Variants in POU3F3 observed in about 807,000 individuals in gnomAD.
POU3F3 encodes POU class 3 homeobox 3.
POU3F3 carries 1 observed loss-of-function variant against 8.6 expected under a neutral mutation model. The observed-to-expected ratio is 0.12, with a 90% CI of 0.04 to 0.55. The LOEUF is 0.55. POU3F3 is among the 20% of genes least tolerant of loss of function. The pLI, the probability that POU3F3 is intolerant of heterozygous loss-of-function variation, is 0.91. For missense variants in POU3F3, 577 were observed against 690.7 expected (o/e 0.84, Z 1.84); for synonymous variants, 418 against 327.4 (o/e 1.28, Z -2.99).
Position 104,855,843 on chromosome 2 carries a change from C to A in POU3F3, c.333C>A (p.Ala111=). Residue 111 remains alanine, a synonymous_variant, in exon 1 of 1, where the codon GCC becomes GCA. Transcript: ENST00000361360. ...ACGCCGCCGCCGCCGCCGCCGCTGC[C>A]GCCGCCGCCGCCGTGGAGGCGAGCT... is the stretch of plus-strand genomic sequence containing the variant. The part of the protein sequence containing the change: ...LPHAAAAAAA[A]AAAAVEASSP... The A allele has an allele frequency of 1.9e-6, 2 of 1,074,768 alleles. No individual in the cohort carries two copies. The highest frequency in any genetic ancestry group is 2.2e-6 in the Non-Finnish European group (2 of 890,582). 66.6% of individuals were successfully genotyped at this position (1,074,768 alleles called of 1,614,324 possible).
the POU3F3 span, among the ~76,000 whole-genome samples, chr2:104,909,488 T>C: frequency 1.3e-5 from 2 of 152,230 alleles, no homozygotes; most frequent in Non-Finnish European, 2.9e-5. Context: ...TGTGATCCAT[T>C]AGTCTCACCT....
chr2:104,863,398 T>C (rs1276206785), downstream of POU3F3, among the ~76,000 whole-genome samples: 3 of 152,132 alleles, frequency 2.0e-5, no homozygotes, highest in East Asian at 5.8e-4. Flanking sequence ...GTTCTGGCGA[T>C]AACTTTCTGC....
the POU3F3 span, among the ~76,000 whole-genome samples, chr2:104,873,707 C>A: frequency 6.6e-6 from 1 of 152,328 alleles, no homozygotes; most frequent in Admixed American, 6.5e-5. Flanking sequence ...ATCCTCTCTC[C>A]CACTCTCTGC....
the POU3F3 span, among the ~76,000 whole-genome samples, chr2:104,913,706 C>A: frequency 6.6e-6 from 1 of 152,184 alleles, no homozygotes; most frequent in Admixed American, 6.5e-5. Context: ...AAAACCTTTT[C>A]ACTGAAGTAT....
At chr2:104,867,897 T>G in the POU3F3 span, 1 of 211,890 alleles carries the variant, frequency 4.7e-6, no homozygotes. The surrounding 1 kb of genome is among the most constrained non-coding windows in gnomAD (Gnocchi z 5.0). Context: ...CAGCCAAGGC[T>G]GCGCACTCCG....
downstream of POU3F3, among the ~76,000 whole-genome samples, chr2:104,862,203 G>C (rs1307478834): frequency 6.6e-6 from 1 of 152,176 alleles, no homozygotes; most frequent in Non-Finnish European, 1.5e-5. Flanking sequence ...GCGGCCGCCT[G>C]GCCTTCTGGC....
At chr2:104,888,441 A>G in the POU3F3 span, among the ~76,000 whole-genome samples, 1 of 152,166 alleles carries the variant, frequency 6.6e-6, no homozygotes, top group African/African-American at 2.4e-5. Flanking sequence ...TCATTCTGCC[A>G]TGCTTTGGAA....
chr2:104,863,969 GC>G, the POU3F3 span, among the ~76,000 whole-genome samples: 14 of 152,220 alleles, frequency 9.2e-5, no homozygotes, highest in South Asian at 8.3e-4. Flanking sequence ...GGCCCTGCGC[GC>G]CGCACGGGGC....
the POU3F3 span, among the ~76,000 whole-genome samples, chr2:104,924,318 A>G: frequency 6.6e-6 from 1 of 152,244 alleles, no homozygotes; most frequent in African/African-American, 2.4e-5. Flanking sequence ...GACCAATTCT[A>G]ACTAAGGAAG....
At chr2:104,885,886 C>T in the POU3F3 span, among the ~76,000 whole-genome samples, 1 of 152,148 alleles carries the variant, frequency 6.6e-6, no homozygotes, top group African/African-American at 2.4e-5. Flanking sequence ...AAACCTCTGC[C>T]TCCCAGGTTC....
chr2:104,914,567 CATTA>C, the POU3F3 span, among the ~76,000 whole-genome samples: 1 of 152,172 alleles, frequency 6.6e-6, no homozygotes, highest in Non-Finnish European at 1.5e-5. Flanking sequence ...TATGAAATTA[CATTA>C]ATTAAGTAGC....
chr2:104,868,896 G>A, the POU3F3 span, among the ~76,000 whole-genome samples: 1 of 152,252 alleles, frequency 6.6e-6, no homozygotes, highest in Admixed American at 6.5e-5. Context: ...TTCTATGTGT[G>A]TGTGGTTTCC....
At chr2:104,858,876 G>A (rs1439676229), downstream of POU3F3, among the ~76,000 whole-genome samples, 1 of 152,114 alleles carries the variant, frequency 6.6e-6, no homozygotes, top group Non-Finnish European at 1.5e-5. Flanking sequence ...GGCGATACCT[G>A]TGTTTCTTAT....
chr2:104,857,117 T>TGCC lies in POU3F3; in HGVS notation c.*113_*115dup, dbSNP rs1042152072. 2.8e-5 allele frequency: 27 copies of TGCC among 952,170 alleles called. No homozygotes were observed. Among genetic ancestry groups the TGCC allele is most frequent in the East Asian group, 1.2e-4 (1 of 8,688 alleles). 59.0% of individuals were successfully genotyped at this position (952,170 alleles called of 1,614,324 possible). ...CCGCCGCCGCCGCCGCCGCCGCCGCTGCCGCCGCCGCGCCGACCCTGCACC... is the reference window on the plus strand; with the variant it reads ...CCGCCGCCGCCGCCGCCGCCGCCGCTGCCGCCGCCGCCGCGCCGACCCTGCACC... On this transcript the variant is annotated 3_prime_UTR_variant, in exon 1 of 1. Transcript: ENST00000361360.
the POU3F3 span, among the ~76,000 whole-genome samples, chr2:104,900,403 G>A: frequency 6.6e-6 from 1 of 152,150 alleles, no homozygotes; most frequent in African/African-American, 2.4e-5. Flanking sequence ...TTCCTTATAT[G>A]TACAAACATG....
At chr2:104,886,559 C>T in the POU3F3 span, among the ~76,000 whole-genome samples, 2 of 151,998 alleles carry the variant, frequency 1.3e-5, no homozygotes, top group South Asian at 2.1e-4. Context: ...TCTTGGATCT[C>T]GCACAAGAAA....
the POU3F3 span, chr2:104,872,563 C>T: frequency 3.1e-6 from 1 of 321,954 alleles, no homozygotes; most frequent in Non-Finnish European, 6.0e-6. The surrounding 1 kb of genome is among the most constrained non-coding windows in gnomAD (Gnocchi z 4.6). Context: ...CCCCGAGTTC[C>T]CGCGGCGGCC....
chr2:104,924,005 G>C, the POU3F3 span, among the ~76,000 whole-genome samples: 1 of 152,092 alleles, frequency 6.6e-6, no homozygotes, highest in East Asian at 1.9e-4. Context: ...AGAAGAAGGG[G>C]GAGTTAGTGT....
downstream of POU3F3, among the ~76,000 whole-genome samples, chr2:104,863,513 G>A (rs935909842): frequency 5.3e-5 from 8 of 152,078 alleles, no homozygotes; most frequent in African/African-American, 9.7e-5. Context: ...TTGAGTTGCC[G>A]CCCACGCTGC....
Sources: allele counts gnomAD v4.1 joint callset (sites outside exome capture counted in the v4.1 genomes callset), GRCh38; gene constraint gnomAD v4.1.1; non-coding constraint Gnocchi (gnomAD v3.1); transcripts MANE v1.5; gene names NCBI Gene and HGNC (gene_info 2026-07-23, HGNC 2026-07-21).